Variants in HRK observed in about 807,000 individuals in gnomAD.
The protein encoded by HRK is activator of apoptosis harakiri.
In HRK, 6 loss-of-function variants were observed where a neutral mutation model predicts 5.9. The ratio of observed to expected loss-of-function variants is 1.02; its 90% CI spans 0.56 to 2.01. HRK has a LOEUF of 2.01. Among genes scored for constraint, HRK ranks in the 30% most tolerant of loss-of-function variants. HRK has a pLI of 0.00. For missense variants in HRK, 133 were observed against 128.3 expected, an observed-to-expected ratio of 1.04 and a Z score of -0.18; for synonymous variants, 85 against 65.1, an observed-to-expected ratio of 1.31 and a Z score of -1.47.
chr12:116,865,237 A>G (rs77964613), intron 1 of HRK, among the ~76,000 whole-genome samples: 6,726 of 152,148 alleles, frequency 0.044, 356 homozygotes, highest in East Asian at 0.13. Flanking sequence ...AGAGGCCCCA[A>G]TTTTTAATTA....
At chr12:116,872,268 G>T (rs1187473885) in intron 1 of HRK, among the ~76,000 whole-genome samples, 1 of 152,034 alleles carries the variant, frequency 6.6e-6, no homozygotes, top group Non-Finnish European at 1.5e-5. Flanking sequence ...TACTCGGGAG[G>T]CTAAGGCAGG....
chr12:116,878,412 G>A lies in HRK; in HGVS notation c.*56+2564C>T, dbSNP rs1879015182. 6.6e-6 allele frequency: 1 copy of A among 152,290 alleles called. No individual in the cohort carries two copies. The highest frequency in any genetic ancestry group is 1.5e-5 in the Non-Finnish European group (1 of 68,094). The allele number at this position is 152,290 out of a possible 1,614,324, so 9.4% of individuals were successfully genotyped here. ...CCCATATCCAGCATAGAACGCAACAGACTGTCTTCCTCCGGTGATTTTTCT... is the reference window on the plus strand; with the variant it reads ...CCCATATCCAGCATAGAACGCAACAAACTGTCTTCCTCCGGTGATTTTTCT... On this transcript the variant is annotated intron_variant, in intron 1 of 1. Coordinates refer to ENST00000257572, the MANE Select transcript of HRK (RefSeq NM_003806.4). This position sits in a 1 kb window ranked among gnomAD's most constrained non-coding sequence, Gnocchi z 4.4.
chr12:116,869,045 C>T (rs2137248351), intron 1 of HRK, among the ~76,000 whole-genome samples: 1 of 151,832 alleles, frequency 6.6e-6, no homozygotes, highest in South Asian at 2.1e-4. Flanking sequence ...ACAATCATAG[C>T]TCACTGCAGA....
In HRK at chr12:116,881,043, G is replaced by T; in HGVS notation, c.265C>A (p.Arg89=). 1 of 1,352,666 alleles carries T rather than the reference G, an allele frequency of 7.4e-7. No homozygotes were observed. 83.8% of individuals were successfully genotyped at this position (1,352,666 alleles called of 1,614,324 possible). Residue 89 remains arginine (R), a synonymous_variant, in exon 1 of 2, where the codon CGG becomes AGG. Transcript: ENST00000257572. The part of the protein sequence containing the change: ...AALAAWLLGR[R]NL ...GAAGCCCCGCGTTCCTACAAGTTCCGCCTGCCGAGCAGCCAGGCCGCCAGC... is the reference window on the plus strand; with the variant it reads ...GAAGCCCCGCGTTCCTACAAGTTCCTCCTGCCGAGCAGCCAGGCCGCCAGC...
chr12:116,865,597 T>C lies in HRK; in HGVS notation c.*57-4131A>G, dbSNP rs550962549. The stretch of plus-strand genomic sequence containing the variant: ...CTTGCTATTTGCACAAGTGATAAGT[T>C]ACAAATTCAAACAGCAAAGAAGAAT... On this transcript the variant is annotated intron_variant, in intron 1 of 1. Transcript: ENST00000257572. Among the ~76,000 whole-genome samples the C allele has an allele frequency of 3.3e-5, 5 of 152,240 alleles. No homozygotes were observed. In the East Asian group the frequency reaches 9.7e-4, roughly 29 times the overall value.
chr12:116,871,454 C>T (rs1878744128), intron 1 of HRK, among the ~76,000 whole-genome samples: 2 of 151,528 alleles, frequency 1.3e-5, no homozygotes, highest in Admixed American at 6.6e-5. Flanking sequence ...AGGCATGTGC[C>T]ACCACACCAG....
intron 1 of HRK, among the ~76,000 whole-genome samples, chr12:116,863,791 T>G (rs1483765897): frequency 1.3e-5 from 2 of 151,896 alleles, no homozygotes; most frequent in African/African-American, 2.4e-5. Context: ...CTCGACCTCC[T>G]GAGCTCAAGC....
rs150843461 is a variant in HRK, at chr12:116,871,460, A to G, written c.*56+9516T>C. 3.8e-3 allele frequency among the ~76,000 whole-genome samples: 563 copies of G among 149,808 alleles called. 3 individuals are homozygous for G. Among genetic ancestry groups the G allele is most frequent in the Non-Finnish European group, 6.2e-3 (420 of 67,648 alleles). ...TGGGACTATAGGCATGTGCCACCAC[A>G]CCAGGCTAATTTGTTTCTATTTTTA... On this transcript the variant is annotated intron_variant, in intron 1 of 1. Transcript: ENST00000257572.
rs1878385297 is a variant in HRK, at chr12:116,862,052, G to A, written c.*57-586C>T. ...GGATAATGACAGTCCCATGTAAAGA[G>A]CACATGCAGTCTGGGGAAACGTGGT... On this transcript the variant is annotated intron_variant, in intron 1 of 1. Transcript: ENST00000257572. The surrounding 1 kb of genome is among the most constrained non-coding windows in gnomAD (Gnocchi z 4.0). 6.6e-6 allele frequency among the ~76,000 whole-genome samples: 1 copy of A among 152,228 alleles called. No homozygotes were observed. Among genetic ancestry groups the A allele is most frequent in the South Asian group, 2.1e-4 (1 of 4,834 alleles).
At chr12:116,865,434 C>T (rs892220531) in intron 1 of HRK, among the ~76,000 whole-genome samples, 11 of 151,908 alleles carry the variant, frequency 7.2e-5, no homozygotes, top group East Asian at 3.9e-4. Flanking sequence ...GGCTGAGGCA[C>T]GAGAATCTCT....
rs376205498 is a variant in HRK at position 116,864,205 on chromosome 12, C to T, written c.*57-2739G>A. Among the ~76,000 whole-genome samples, 220 of 152,336 alleles carry T rather than the reference C, an allele frequency of 1.4e-3. 2 individuals are homozygous for T. The highest frequency in any genetic ancestry group is 5.1e-3 in the African/African-American group (214 of 41,578). On this transcript the variant is annotated intron_variant, in intron 1 of 1. Transcript: ENST00000257572. ...AGCCATAAACCTACAGAATGAAAGT[C>T]AGTGTAACCCTGCAGCATTAGCCTA...
At chr12:116,873,513 A>G (rs1399048106) in intron 1 of HRK, among the ~76,000 whole-genome samples, 1 of 151,972 alleles carries the variant, frequency 6.6e-6, no homozygotes, top group East Asian at 1.9e-4. Flanking sequence ...AGTTGGTAAC[A>G]CAGGTGCAGA....
chr12:116,880,954 T>TCTCG (rs780861711), intron 1 of HRK, 22 bp downstream of exon 1: 33 of 1,131,750 alleles, frequency 2.9e-5, no homozygotes, highest in African/African-American at 3.3e-5. Flanking sequence ...GCGCCCCGGC[T>TCTCG]CTCGCTCGCT....
At chr12:116,874,268 C>T (rs1228003276) in intron 1 of HRK, among the ~76,000 whole-genome samples, 2 of 152,174 alleles carry the variant, frequency 1.3e-5, no homozygotes, top group South Asian at 4.1e-4. Context: ...TTTCCTGAAA[C>T]GTACTATGCA....
Position 116,875,516 on chromosome 12 carries a change from T to A in HRK, c.*56+5460A>T, listed in dbSNP as rs1255432527. Among the ~76,000 whole-genome samples the A allele has an allele frequency of 3.3e-5, 5 of 152,140 alleles. No homozygotes were observed. The East Asian group carries it at 9.6e-4, about 29-fold the overall frequency. On this transcript the variant is annotated intron_variant, in intron 1 of 1. Transcript: ENST00000257572. ...AGAACCTGAATTTGGGAAACAATAG[T>A]GACTATGTTGCATAGTTTCTTTTTT...
intron 1 of HRK, among the ~76,000 whole-genome samples, chr12:116,861,784 C>G (rs1269672341): frequency 6.6e-6 from 1 of 152,208 alleles, no homozygotes; most frequent in East Asian, 1.9e-4. Context: ...AAAGAAGAAT[C>G]TAGAGACACA....
At chr12:116,865,862 G>A (rs1878524930) in intron 1 of HRK, among the ~76,000 whole-genome samples, 1 of 151,958 alleles carries the variant, frequency 6.6e-6, no homozygotes, top group Non-Finnish European at 1.5e-5. Flanking sequence ...AGTGGCAAAC[G>A]AATAAAGATG....
At chr12:116,870,985 C>G (rs1878725217) in intron 1 of HRK, among the ~76,000 whole-genome samples, 1 of 152,228 alleles carries the variant, frequency 6.6e-6, no homozygotes, top group South Asian at 2.1e-4. Context: ...ATGGCATGAT[C>G]TCGGCTCACT....
chr12:116,881,334 G>A lies in HRK; in HGVS notation c.-27C>T. On this transcript the variant is annotated 5_prime_UTR_variant, in exon 1 of 2. Coordinates refer to ENST00000257572, the MANE Select transcript of HRK (RefSeq NM_003806.4). Reference sequence around the variant, plus strand: ...ACCGCTGGCCTCGCTCCCGCCCCGCGCTCGGGCCGCCCCTCGCCTCCTCTC... The same window carrying A: ...ACCGCTGGCCTCGCTCCCGCCCCGCACTCGGGCCGCCCCTCGCCTCCTCTC... 2 of 1,062,170 alleles carry A rather than the reference G, an allele frequency of 1.9e-6. No homozygotes were observed. Among genetic ancestry groups the A allele is most frequent in the Non-Finnish European group, 2.3e-6 (2 of 880,980 alleles). The allele number at this position is 1,062,170 out of a possible 1,614,324, so 65.8% of individuals were successfully genotyped here.
Sources: allele counts gnomAD v4.1 joint callset (sites outside exome capture counted in the v4.1 genomes callset), GRCh38; gene constraint gnomAD v4.1.1; non-coding constraint Gnocchi (gnomAD v3.1); transcripts MANE v1.5; gene names NCBI Gene and HGNC (gene_info 2026-07-23, HGNC 2026-07-21).